Variants in HTR4 observed in about 807,000 individuals in gnomAD.
HTR4 encodes the protein 5-hydroxytryptamine (serotonin) receptor 4, G protein-coupled.
Under a neutral mutation model 36.8 loss-of-function variants are expected in HTR4, and 16 were observed. That is an observed-to-expected ratio of 0.43 (90% CI 0.29 to 0.66). The LOEUF (loss-of-function observed/expected upper bound fraction) is 0.66, where lower values mean the gene tolerates loss of function less well. Among genes scored for constraint, HTR4 ranks in the 30% least tolerant of loss-of-function variants. The pLI, the probability that HTR4 is intolerant of heterozygous loss-of-function variation, is 0.13. For synonymous variants in HTR4, 189 were observed against 185.1 expected, an observed-to-expected ratio of 1.02 and a Z score of -0.17; for missense variants, 438 against 490.9, an observed-to-expected ratio of 0.89 and a Z score of 1.02.
chr5:148,629,094 G>A (rs1753226555), intron 2 of HTR4: 1 of 152,102 alleles, frequency 6.6e-6, no homozygotes, highest in Admixed American at 6.6e-5. Context: ...TCATTAAAAT[G>A]TGACATTTAA....
chr5:148,460,619 T>G (rs752861483), intron 5 of HTR4, among the ~76,000 whole-genome samples: 6 of 152,046 alleles, frequency 3.9e-5, no homozygotes, highest in Non-Finnish European at 7.4e-5. Flanking sequence ...CCAGTATACC[T>G]GCCTTGCAAA....
Position 148,482,099 on chromosome 5 carries a change from G to C in HTR4, c.*1104C>G. ...TTCAAGATCTCACAGCTTGTTTGCA[G>C]CACAGCCAGGGCGGCAATTTGGGTC... On this transcript the variant is annotated 3_prime_UTR_variant, in exon 7 of 7. Transcript: ENST00000377888. 1 of 983,304 alleles carries C rather than the reference G, an allele frequency of 1.0e-6. No individual in the cohort carries two copies. Among genetic ancestry groups the C allele is most frequent in the Non-Finnish European group, 1.2e-6 (1 of 827,880 alleles). 60.9% of individuals were successfully genotyped at this position (983,304 alleles called of 1,614,324 possible). A position where few individuals can be genotyped will look rare whatever the true frequency, so the allele number is the denominator to read the frequency against.
chr5:148,478,281 T>C (rs1357686649), downstream of HTR4, among the ~76,000 whole-genome samples: 1 of 152,108 alleles, frequency 6.6e-6, no homozygotes, highest in Non-Finnish European at 1.5e-5. Context: ...TGCTCCAACA[T>C]GGAACTAGGC....
chr5:148,519,623 C>A (rs1036120634), intron 5 of HTR4, among the ~76,000 whole-genome samples: 1 of 152,136 alleles, frequency 6.6e-6, no homozygotes, highest in Non-Finnish European at 1.5e-5. Context: ...CAAATCAATA[C>A]TTGAGTTGCT....
At chr5:148,477,704 A>G (rs1755743441), downstream of HTR4, among the ~76,000 whole-genome samples, 1 of 152,220 alleles carries the variant, frequency 6.6e-6, no homozygotes. Context: ...GGTAAATGGC[A>G]CCAAAGCTAC....
chr5:148,606,071 A>G (rs1185037767), intron 2 of HTR4, among the ~76,000 whole-genome samples: 1 of 152,218 alleles, frequency 6.6e-6, no homozygotes, highest in Non-Finnish European at 1.5e-5. Flanking sequence ...GAATTTTAAA[A>G]AATATTCAAA....
At chr5:148,483,762 C>G (rs1157848047) in intron 6 of HTR4, among the ~76,000 whole-genome samples, 1 of 152,140 alleles carries the variant, frequency 6.6e-6, no homozygotes, top group Non-Finnish European at 1.5e-5. Context: ...ACATCATGTG[C>G]TTTTCATCAT....
At position 148,532,002 on chromosome 5, in the gene HTR4, A is replaced by G. The variant is rs141407964; in HGVS notation, c.354-8656T>C. ...CTGCTCAACGTTCTACAGTGCCCCA[A>G]TAACAATACTGGTCTATGTCAGTAG... On this transcript the variant is annotated intron_variant, in intron 4 of 6. Transcript: ENST00000377888. 6.6e-5 allele frequency among the ~76,000 whole-genome samples: 10 copies of G among 152,250 alleles called. No homozygotes were observed. In the East Asian group the frequency reaches 1.2e-3, roughly 18 times the overall value.
rs577316018 is a variant in HTR4, at chr5:148,520,550, C to T, written c.507+2643G>A. 2.6e-5 allele frequency among the ~76,000 whole-genome samples: 4 copies of T among 152,254 alleles called. No individual in the cohort carries two copies. In the South Asian group the frequency reaches 8.3e-4, roughly 32 times the overall value. On this transcript the variant is annotated intron_variant, in intron 5 of 6. Transcript: ENST00000377888. ...CAAAGCCCGGGCTCAGATACAGTCC[C>T]CACTACTTCCTACCAATGACTTTAG...
At chr5:148,566,213 T>A (rs1021715581) in intron 2 of HTR4, among the ~76,000 whole-genome samples, 1 of 152,130 alleles carries the variant, frequency 6.6e-6, no homozygotes, top group Non-Finnish European at 1.5e-5. Flanking sequence ...CTAAATACCA[T>A]CCAAAGTTAA....
intron 6 of HTR4, among the ~76,000 whole-genome samples, chr5:148,500,373 G>A (rs897905324): frequency 6.6e-6 from 1 of 152,150 alleles, no homozygotes. Flanking sequence ...TTTGAGGCCA[G>A]AGAGAGGGGA....
intron 4 of HTR4, among the ~76,000 whole-genome samples, chr5:148,535,016 C>A (rs1283221634): frequency 2.0e-5 from 3 of 152,102 alleles, no homozygotes; most frequent in Non-Finnish European, 2.9e-5. Flanking sequence ...ACAGCTGCAA[C>A]TGTGAGGAAA....
intron 1 of HTR4, among the ~76,000 whole-genome samples, chr5:148,643,757 G>T (rs1282497490): frequency 6.6e-6 from 1 of 152,144 alleles, no homozygotes; most frequent in Admixed American, 6.5e-5. Flanking sequence ...CTCAGGAGGA[G>T]TTTGAGACTA....
intron 6 of HTR4, among the ~76,000 whole-genome samples, chr5:148,485,135 G>C (rs1193971248): frequency 6.6e-6 from 1 of 152,120 alleles, no homozygotes; most frequent in Non-Finnish European, 1.5e-5. Flanking sequence ...TATCATATTT[G>C]TTATTATTGT....
At chr5:148,610,673 C>T (rs1468500071) in intron 2 of HTR4, among the ~76,000 whole-genome samples, 136 of 151,828 alleles carry the variant, frequency 9.0e-4, no homozygotes, top group African/African-American at 3.0e-3. Flanking sequence ...CAAAGCTGGA[C>T]GGAGAATGAC....
downstream of HTR4, among the ~76,000 whole-genome samples, chr5:148,472,115 G>C (rs985452935): frequency 6.6e-6 from 1 of 152,168 alleles, no homozygotes; most frequent in Admixed American, 6.5e-5. Context: ...GCTGGCCACA[G>C]TGACCAGCAT....
rs1755899560 is a variant in HTR4 at position 148,481,794 on chromosome 5, TG to T, written c.*1408del. 3 of 1,374,550 alleles carry T rather than the reference TG, an allele frequency of 2.2e-6. No individual in the cohort carries two copies. The highest frequency in any genetic ancestry group is 2.8e-6 in the Non-Finnish European group (3 of 1,071,748). 85.1% of individuals were successfully genotyped at this position (1,374,550 alleles called of 1,614,324 possible). A position where few individuals can be genotyped will look rare whatever the true frequency, so the allele number is the denominator to read the frequency against. On this transcript the variant is annotated 3_prime_UTR_variant, in exon 7 of 7. Coordinates refer to ENST00000377888, the MANE Select transcript of HTR4 (RefSeq NM_000870.7). The stretch of plus-strand genomic sequence containing the variant: ...ATTTACCTTCCCGGGACTTCTGCTA[TG>T]GGGCATTCGCAAGAGCCACTGACTC...
At chr5:148,491,046 G>A (rs1298689155) in intron 6 of HTR4, among the ~76,000 whole-genome samples, 1 of 152,112 alleles carries the variant, frequency 6.6e-6, no homozygotes, top group African/African-American at 2.4e-5. Flanking sequence ...CCAGGTACCT[G>A]CACATTGCAC....
At chr5:148,525,049 C>A (rs1758199953) in intron 4 of HTR4, among the ~76,000 whole-genome samples, 1 of 152,084 alleles carries the variant, frequency 6.6e-6, no homozygotes, top group South Asian at 2.1e-4. Flanking sequence ...CTGATCTGGG[C>A]CAGAGTGCAA....
Sources: gnomAD v4.1 joint callset for allele counts (sites outside exome capture counted in the v4.1 genomes callset) on GRCh38, gnomAD v4.1.1 for gene constraint, MANE v1.5 for transcripts, NCBI Gene and HGNC (gene_info 2026-07-23, HGNC 2026-07-21) for gene names.